Variants in PCDH15 observed in about 807,000 individuals in gnomAD.
PCDH15 encodes protocadherin-15.
PCDH15 carries 129 observed loss-of-function variants against 178.5 expected under a neutral mutation model. The observed-to-expected ratio is 0.72, with a 90% CI of 0.63 to 0.84. The LOEUF (loss-of-function observed/expected upper bound fraction) is 0.84, where lower values mean the gene tolerates loss of function less well. Ranked by LOEUF, PCDH15 falls within the 40% of genes least tolerant of loss-of-function variation. PCDH15 has a pLI of 0.00. For synonymous variants in PCDH15, 800 were observed against 732.0 expected (o/e 1.09, Z -1.50); for missense variants, 2,230 against 2,099.9 (o/e 1.06, Z -1.21).
intron 2 of PCDH15, among the ~76,000 whole-genome samples, chr10:54,904,621 T>G (rs1233315106): frequency 6.6e-6 from 1 of 152,052 alleles, no homozygotes; most frequent in Non-Finnish European, 1.5e-5. Context: ...AGAGAGACCT[T>G]TTGTCTCTCT....
At chr10:55,578,997 A>G (rs997249481) in intron 2 of PCDH15, among the ~76,000 whole-genome samples, 2 of 152,200 alleles carry the variant, frequency 1.3e-5, no homozygotes, top group African/African-American at 4.8e-5. Context: ...AACCTTATCA[A>G]TGTGAAAATA....
chr10:54,607,501 G>A (rs1313702941), intron 2 of PCDH15, among the ~76,000 whole-genome samples: 1 of 151,998 alleles, frequency 6.6e-6, no homozygotes, highest in East Asian at 1.9e-4. Flanking sequence ...CCAGGTCCCT[G>A]CCCTCAGAGA....
chr10:54,387,107 C>T (rs562644997), intron 3 of PCDH15, among the ~76,000 whole-genome samples: 68 of 152,082 alleles, frequency 4.5e-4, no homozygotes, highest in African/African-American at 1.1e-3. Context: ...GAAATATATA[C>T]AATTTTTATT....
intron 1 of PCDH15, among the ~76,000 whole-genome samples, chr10:55,254,953 C>T (rs982392571): frequency 8.0e-5 from 12 of 150,650 alleles, no homozygotes; most frequent in African/African-American, 2.2e-4. Context: ...TAAGTCTTTT[C>T]TTTTTTTTTT....
chr10:54,428,060 T>C (rs1039242742), intron 3 of PCDH15, among the ~76,000 whole-genome samples: 1 of 152,196 alleles, frequency 6.6e-6, no homozygotes, highest in African/African-American at 2.4e-5. Context: ...GAAATTATTG[T>C]ACTAGACACT....
chr10:54,418,451 G>T (rs866658043), intron 3 of PCDH15, among the ~76,000 whole-genome samples: 55 of 151,952 alleles, frequency 3.6e-4, no homozygotes, highest in African/African-American at 1.3e-3. Context: ...CTATGTTTAG[G>T]TATAGTATCA....
chr10:54,394,840 T>G (rs1951000913), intron 3 of PCDH15, among the ~76,000 whole-genome samples: 1 of 152,160 alleles, frequency 6.6e-6, no homozygotes, highest in Non-Finnish European at 1.5e-5. Context: ...GTGGGTATTC[T>G]CTTTCCCAGG....
chr10:54,288,283 G>A (rs541077205), intron 8 of PCDH15, among the ~76,000 whole-genome samples: 7 of 152,260 alleles, frequency 4.6e-5, no homozygotes, highest in South Asian at 2.1e-4. Context: ...TTGTGCCACT[G>A]CACTCCAGCT....
chr10:54,759,755 G>C (rs1421553980), intron 1 of PCDH15, among the ~76,000 whole-genome samples: 1 of 152,084 alleles, frequency 6.6e-6, no homozygotes, highest in Non-Finnish European at 1.5e-5. Context: ...AAATCTTTAC[G>C]TTTTCTTTAG....
At chr10:53,944,676 A>C (rs1029972765) in intron 23 of PCDH15, among the ~76,000 whole-genome samples, 7 of 152,218 alleles carry the variant, frequency 4.6e-5, no homozygotes, top group African/African-American at 1.7e-4. Context: ...GAAACACTTG[A>C]AACAGCTTCA....
intron 2 of PCDH15, among the ~76,000 whole-genome samples, chr10:55,341,939 T>A (rs1844611530): frequency 6.8e-6 from 1 of 147,908 alleles, no homozygotes; most frequent in Non-Finnish European, 1.5e-5. Context: ...GAGCCACCCT[T>A]CCCGGACACA....
At chr10:54,448,242 A>C (rs2076260771) in intron 3 of PCDH15, among the ~76,000 whole-genome samples, 1 of 151,772 alleles carries the variant, frequency 6.6e-6, no homozygotes, top group South Asian at 2.1e-4. Context: ...AGTGTTTTGA[A>C]ACATTAATGT....
chr10:54,139,279 G>A (rs559117123), intron 14 of PCDH15, among the ~76,000 whole-genome samples: 16 of 151,464 alleles, frequency 1.1e-4, no homozygotes, highest in Non-Finnish European at 1.8e-4. Flanking sequence ...ATTTAGTTGA[G>A]GACCTGACAT....
intron 2 of PCDH15, among the ~76,000 whole-genome samples, chr10:55,545,543 T>C (rs1364202955): frequency 6.6e-6 from 1 of 151,754 alleles, no homozygotes; most frequent in Non-Finnish European, 1.5e-5. Flanking sequence ...CCCTAGTAGC[T>C]GGGATTACAG....
chr10:54,830,107 T>C (rs967026151), intron 3 of PCDH15, among the ~76,000 whole-genome samples: 4 of 152,080 alleles, frequency 2.6e-5, no homozygotes, highest in Admixed American at 6.6e-5. Context: ...ATAACACTTA[T>C]TAACATAGAA....
chr10:54,711,957 T>C lies in PCDH15; in HGVS notation c.-28-47667A>G, dbSNP rs1439691597. 2.0e-5 allele frequency among the ~76,000 whole-genome samples: 3 copies of C among 151,946 alleles called. No homozygotes were observed. In the East Asian group the frequency reaches 5.8e-4, roughly 29 times the overall value. On this transcript the variant is annotated intron_variant, in intron 1 of 37. Transcript: ENST00000644397. ...TCATAAGTAATTGTATTGAGATTTG[T>C]ATAATGTTTAATTGCTTCTGAGTTT...
chr10:54,433,984 G>C (rs749304162), intron 3 of PCDH15, among the ~76,000 whole-genome samples: 1 of 152,150 alleles, frequency 6.6e-6, no homozygotes, highest in Non-Finnish European at 1.5e-5. Flanking sequence ...TCATTGGGAC[G>C]AGACGTGGAC....
chr10:54,473,750 A>T (rs2078081136), intron 3 of PCDH15, among the ~76,000 whole-genome samples: 1 of 151,956 alleles, frequency 6.6e-6, no homozygotes, highest in Admixed American at 6.6e-5. Flanking sequence ...TCTTCAAGTA[A>T]ACAAGAAATA....
At chr10:53,811,870 T>G (rs886693531) in intron 35 of PCDH15, among the ~76,000 whole-genome samples, 1 of 152,230 alleles carries the variant, frequency 6.6e-6, no homozygotes, top group African/African-American at 2.4e-5. Context: ...GAGGAAAAAG[T>G]AATTTTTTTC....
Sources: gnomAD v4.1 joint callset for allele counts (sites outside exome capture counted in the v4.1 genomes callset) on GRCh38, gnomAD v4.1.1 for gene constraint, MANE v1.5 for transcripts, NCBI Gene and HGNC (gene_info 2026-07-23, HGNC 2026-07-21) for gene names.